Variants in THSD7B observed in about 807,000 individuals in gnomAD.
THSD7B encodes thrombospondin type 1 domain containing 7B.
A neutral mutation model predicts 213.6 loss-of-function variants in THSD7B; 138 were observed. The observed-to-expected ratio is 0.65, with a 90% CI of 0.56 to 0.74. The LOEUF (loss-of-function observed/expected upper bound fraction) is 0.74, where lower values mean the gene tolerates loss of function less well. Among genes scored for constraint, THSD7B ranks in the 30% least tolerant of loss-of-function variants. The probability of loss-of-function intolerance (pLI) is 0.00; values close to 1 mark genes in which losing one functional copy is unlikely to be tolerated. For missense variants in THSD7B, 1,931 were observed against 1,991.5 expected, an observed-to-expected ratio of 0.97 and a Z score of 0.58; for synonymous variants, 742 against 687.0, an observed-to-expected ratio of 1.08 and a Z score of -1.25.
chr2:137,109,426 C>T (rs1688308787), intron 4 of THSD7B, among the ~76,000 whole-genome samples: 1 of 152,110 alleles, frequency 6.6e-6, no homozygotes, highest in Non-Finnish European at 1.5e-5. Flanking sequence ...AAGTGCATTA[C>T]TTTTATTTAT....
At chr2:137,508,318 C>A (rs1267554216) in intron 15 of THSD7B, among the ~76,000 whole-genome samples, 2 of 150,428 alleles carry the variant, frequency 1.3e-5, no homozygotes, top group Admixed American at 6.6e-5. Context: ...AGGCTCACTG[C>A]ATTCTCAAAC....
intron 17 of THSD7B, among the ~76,000 whole-genome samples, chr2:137,582,042 G>T (rs966809847): frequency 7.9e-5 from 12 of 151,634 alleles, no homozygotes; most frequent in Non-Finnish European, 1.3e-4. Flanking sequence ...GTTGCAGGAG[G>T]TTGCAGTGAG....
At position 137,056,710 on chromosome 2, in the gene THSD7B, C is replaced by T. The variant is rs772487016; in HGVS notation, c.430C>T (p.Arg144Cys). ...AQHGLQHRMV[R>C]CIQKLNRTVV... ...GCATGGACTGCAGCACCGGATGGTG[C>T]GCTGCATTCAGAAGCTGAACCGAAC... Residue 144 changes from arginine (R) to cysteine (C), a missense_variant, in exon 3 of 28, where the codon CGC becomes TGC. Arg to Cys is a radical substitution (Grantham distance 180, BLOSUM62 -3). Coordinates refer to ENST00000409968, the MANE Select transcript of THSD7B (RefSeq NM_001316349.2). 1.9e-6 allele frequency: 3 copies of T among 1,613,914 alleles called. No individual in the cohort carries two copies. The highest frequency in any genetic ancestry group is 1.3e-5 in the African/African-American group (1 of 75,024).
At chr2:136,951,345 A>C (rs994954313) in intron 2 of THSD7B, among the ~76,000 whole-genome samples, 7 of 152,176 alleles carry the variant, frequency 4.6e-5, no homozygotes, top group African/African-American at 1.7e-4. Flanking sequence ...TAAATGATTA[A>C]AATGTCCTGT....
chr2:137,368,890 T>G (rs958497129), intron 12 of THSD7B, among the ~76,000 whole-genome samples: 6 of 152,030 alleles, frequency 3.9e-5, no homozygotes, highest in African/African-American at 1.2e-4. Context: ...TCAATCATAT[T>G]TAAGGGAGAT....
At position 137,412,618 on chromosome 2, in the gene THSD7B, AAAC is replaced by A. The variant is rs1558789000; in HGVS notation, c.2959+749_2959+751del. Among the ~76,000 whole-genome samples the A allele has an allele frequency of 4.1e-4, 55 of 134,556 alleles. 7 individuals are homozygous for A. Among genetic ancestry groups the A allele is most frequent in the African/African-American group, 8.7e-4 (33 of 38,006 alleles). 88.3% of individuals were successfully genotyped at this position (134,556 alleles called of 152,430 possible). ...GTCTCAAAAAAAAAAAAACAAAAAAAAACAAAAAACAGTTTTACTATATAAAGT... is the reference window on the plus strand; with the variant it reads ...GTCTCAAAAAAAAAAAAACAAAAAAAAAAAAACAGTTTTACTATATAAAGT... On this transcript the variant is annotated intron_variant, in intron 14 of 27. Coordinates refer to ENST00000409968, the MANE Select transcript of THSD7B (RefSeq NM_001316349.2).
At chr2:136,976,712 C>G (rs1298379374) in intron 2 of THSD7B, among the ~76,000 whole-genome samples, 4 of 151,964 alleles carry the variant, frequency 2.6e-5, no homozygotes, top group South Asian at 2.1e-4. Context: ...AGCTCCGCCT[C>G]CCAGGTTCAC....
At chr2:137,444,644 G>A (rs1249890114) in intron 14 of THSD7B, among the ~76,000 whole-genome samples, 1 of 151,754 alleles carries the variant, frequency 6.6e-6, no homozygotes, top group Non-Finnish European at 1.5e-5. Flanking sequence ...CTTAAATATA[G>A]GACCTGAAAC....
At chr2:137,661,300 C>T (rs1211489122) in intron 25 of THSD7B, among the ~76,000 whole-genome samples, 2 of 151,964 alleles carry the variant, frequency 1.3e-5, no homozygotes, top group East Asian at 3.9e-4. Context: ...AATTTACAGA[C>T]TAATATAAAA....
intron 12 of THSD7B, among the ~76,000 whole-genome samples, chr2:137,351,101 T>C (rs1410690084): frequency 6.6e-6 from 1 of 151,972 alleles, no homozygotes; most frequent in East Asian, 1.9e-4. Flanking sequence ...ATCCTTGGGA[T>C]TGGATGAGAT....
chr2:137,313,026 C>G (rs1683960254), intron 12 of THSD7B, among the ~76,000 whole-genome samples: 1 of 150,680 alleles, frequency 6.6e-6, no homozygotes. Flanking sequence ...ATTAGGTCCG[C>G]TTGGTGCAGA....
chr2:137,390,001 C>A (rs1685983205), intron 12 of THSD7B, among the ~76,000 whole-genome samples: 1 of 152,062 alleles, frequency 6.6e-6, no homozygotes, highest in African/African-American at 2.4e-5. Context: ...CAGCTTTGTT[C>A]TTTTTGCTCA....
chr2:137,330,875 G>A (rs1267050192), intron 12 of THSD7B, among the ~76,000 whole-genome samples: 2 of 152,150 alleles, frequency 1.3e-5, no homozygotes, highest in African/African-American at 4.8e-5. Context: ...CTGATTGGTA[G>A]AGCCGAGTGG....
intron 7 of THSD7B, among the ~76,000 whole-genome samples, chr2:137,171,702 A>C (rs1032019813): frequency 1.3e-5 from 2 of 152,224 alleles, no homozygotes; most frequent in Non-Finnish European, 2.9e-5. Flanking sequence ...TGTGGAATGA[A>C]GCGTTTTGAA....
At chr2:136,927,165 A>G (rs1315679278) in intron 2 of THSD7B, among the ~76,000 whole-genome samples, 2 of 149,406 alleles carry the variant, frequency 1.3e-5, no homozygotes, top group Non-Finnish European at 3.0e-5. Flanking sequence ...AGGAAAGTGC[A>G]TTTCTCTTCT....
intron 7 of THSD7B, among the ~76,000 whole-genome samples, chr2:137,204,313 C>T (rs1348757304): frequency 1.3e-5 from 2 of 151,976 alleles, no homozygotes; most frequent in African/African-American, 4.8e-5. Context: ...TGGGGTTTTC[C>T]CTTAGTCTTT....
At chr2:136,855,905 A>G (rs1431796433) in intron 1 of THSD7B, among the ~76,000 whole-genome samples, 1 of 151,392 alleles carries the variant, frequency 6.6e-6, no homozygotes, top group Non-Finnish European at 1.5e-5. Flanking sequence ...TGCCTGGATT[A>G]CCCCCCTCCT....
intron 20 of THSD7B, among the ~76,000 whole-genome samples, chr2:137,631,756 G>A (rs1682745282): frequency 6.6e-6 from 1 of 152,132 alleles, no homozygotes; most frequent in Non-Finnish European, 1.5e-5. Context: ...GCTAGGTAGT[G>A]GAATGGAAGA....
chr2:136,868,566 A>T (rs1239437239), intron 1 of THSD7B, among the ~76,000 whole-genome samples: 1 of 152,232 alleles, frequency 6.6e-6, no homozygotes, highest in Non-Finnish European at 1.5e-5. Context: ...TAACTGGATA[A>T]TTCTTTTGAC....
Sources: gnomAD v4.1 joint callset for allele counts (sites outside exome capture counted in the v4.1 genomes callset) on GRCh38, gnomAD v4.1.1 for gene constraint, MANE v1.5 for transcripts, NCBI Gene and HGNC (gene_info 2026-07-23, HGNC 2026-07-21) for gene names.